Variants in HPCAL1 observed in about 807,000 individuals in gnomAD.
HPCAL1 encodes hippocalcin like 1, also known as hippocalcin-like protein 1.
A neutral mutation model predicts 17.1 loss-of-function variants in HPCAL1; 8 were observed. The ratio of observed to expected loss-of-function variants is 0.47; its 90% CI spans 0.27 to 0.84. The LOEUF (loss-of-function observed/expected upper bound fraction) is 0.84. Ranked by LOEUF, HPCAL1 falls within the 40% of genes least tolerant of loss-of-function variation. The pLI is 0.13. For synonymous variants in HPCAL1, 112 were observed against 111.4 expected, an observed-to-expected ratio of 1.01 and a Z score of -0.03; for missense variants, 165 against 271.1, an observed-to-expected ratio of 0.61 and a Z score of 2.75.
At chr2:10,320,930 T>C (rs1663632295) in intron 1 of HPCAL1, among the ~76,000 whole-genome samples, 1 of 152,242 alleles carries the variant, frequency 6.6e-6, no homozygotes, top group Non-Finnish European at 1.5e-5. Flanking sequence ...GTGATGAGAC[T>C]GTGGAAAACA....
chr2:10,413,123 A>G (rs1030933864), intron 2 of HPCAL1, among the ~76,000 whole-genome samples: 9 of 152,216 alleles, frequency 5.9e-5, no homozygotes, highest in Non-Finnish European at 1.2e-4. Context: ...ATGCAGAAAC[A>G]GATCAGAGGG....
intron 1 of HPCAL1, among the ~76,000 whole-genome samples, chr2:10,372,506 T>C (rs73914062): frequency 0.01 from 1,545 of 152,202 alleles, 37 homozygotes; most frequent in African/African-American, 0.035. Context: ...CAACTCCCAG[T>C]TGGATCGGGG....
At chr2:10,378,248 T>TTTTTC (rs775950855) in intron 1 of HPCAL1, among the ~76,000 whole-genome samples, 1 of 113,842 alleles carries the variant, frequency 8.8e-6, no homozygotes, top group South Asian at 2.7e-4. Flanking sequence ...TTTTTTTTTT[T>TTTTTC]ACTGCTTTGA....
rs553228833 is a variant in HPCAL1, at chr2:10,334,695, C to CTTTTTTTTTTTTTTTT, written c.-111+31526_-111+31527insTTTTTTTTTTTTTTTT. ...TAACTGCTGTATACAATTCCATTGA[C>CTTTTTTTTTTTTTTTT]TTTTTTTTGAGGCAGGGTCTCGCTC... On this transcript the variant is annotated intron_variant, in intron 1 of 4. Transcript: ENST00000307845. 8.0e-4 allele frequency among the ~76,000 whole-genome samples: 117 copies of CTTTTTTTTTTTTTTTT among 146,364 alleles called. 3 individuals carry two copies. The highest frequency in any genetic ancestry group is 3.4e-3 in the Middle Eastern group (1 of 290).
intron 1 of HPCAL1, among the ~76,000 whole-genome samples, chr2:10,334,621 A>G (rs556324060): frequency 1.3e-5 from 2 of 152,292 alleles, no homozygotes; most frequent in East Asian, 1.9e-4. Flanking sequence ...AGCTGTATCC[A>G]TGTTGATACA....
At chr2:10,347,957 G>A (rs1011699093) in intron 1 of HPCAL1, among the ~76,000 whole-genome samples, 4 of 152,126 alleles carry the variant, frequency 2.6e-5, no homozygotes, top group African/African-American at 9.7e-5. Flanking sequence ...AGAAAGATTG[G>A]TATCTTCATA....
intron 2 of HPCAL1, among the ~76,000 whole-genome samples, chr2:10,399,507 ACCACCG>A (rs1669412156): frequency 1.6e-5 from 2 of 126,560 alleles, no homozygotes; most frequent in African/African-American, 6.2e-5. Context: ...CACCATCACC[ACCACCG>A]CCGCCACCAC....
chr2:10,397,892 T>A (rs1669161113), intron 2 of HPCAL1, among the ~76,000 whole-genome samples: 2 of 152,194 alleles, frequency 1.3e-5, no homozygotes, highest in Admixed American at 1.3e-4. Flanking sequence ...TGGCTGTGCC[T>A]CTTCACAGCC....
At chr2:10,405,734 G>A (rs1313548732) in intron 2 of HPCAL1, among the ~76,000 whole-genome samples, 2 of 152,232 alleles carry the variant, frequency 1.3e-5, no homozygotes, top group Admixed American at 6.5e-5. Flanking sequence ...GCACAGCCAA[G>A]CCAGGGTGGG....
chr2:10,421,845 G>A (rs1046528852), intron 3 of HPCAL1, among the ~76,000 whole-genome samples: 2 of 152,226 alleles, frequency 1.3e-5, no homozygotes, highest in Non-Finnish European at 2.9e-5. Context: ...TCAGGAATGA[G>A]CGACCCATTT....
At chr2:10,311,475 G>A (rs1162187590) in intron 1 of HPCAL1, among the ~76,000 whole-genome samples, 1 of 152,276 alleles carries the variant, frequency 6.6e-6, no homozygotes, top group South Asian at 2.1e-4. Flanking sequence ...ATAAAGAATT[G>A]CTGCTTTTAT....
At chr2:10,345,485 G>C (rs1333732114) in intron 1 of HPCAL1, among the ~76,000 whole-genome samples, 3 of 146,226 alleles carry the variant, frequency 2.1e-5, no homozygotes, top group Non-Finnish European at 4.5e-5. Flanking sequence ...TTTTGAGACA[G>C]GGTCTTGCTG....
chr2:10,368,542 C>A (rs938887475), intron 1 of HPCAL1: 2 of 152,226 alleles, frequency 1.3e-5, no homozygotes, highest in African/African-American at 4.8e-5. Flanking sequence ...CCCCCAGACA[C>A]ACTGAGTACT....
At chr2:10,387,628 A>C (rs971210869) in intron 1 of HPCAL1, among the ~76,000 whole-genome samples, 3 of 152,216 alleles carry the variant, frequency 2.0e-5, no homozygotes, top group African/African-American at 7.2e-5. Context: ...AGAAAGTTTA[A>C]CAGTGGTACT....
chr2:10,361,513 T>C (rs1040830883), intron 1 of HPCAL1, among the ~76,000 whole-genome samples: 5 of 152,164 alleles, frequency 3.3e-5, no homozygotes, highest in Admixed American at 3.3e-4. Flanking sequence ...AGGTGGATGA[T>C]TCATTAATTC....
intron 4 of HPCAL1, 147 bp downstream of exon 4, chr2:10,423,235 G>GAAT: frequency 3.0e-6 from 2 of 659,192 alleles, no homozygotes; most frequent in Non-Finnish European, 5.6e-6. Flanking sequence ...CCATGCCCAG[G>GAAT]GAAGAGCGGG....
chr2:10,385,093 G>A (rs1220151952), intron 1 of HPCAL1, among the ~76,000 whole-genome samples: 4 of 112,206 alleles, frequency 3.6e-5, no homozygotes, highest in East Asian at 2.1e-4. Context: ...GCAAGACTCC[G>A]TCTCAAAAAA....
chr2:10,412,637 C>G (rs886103810), intron 2 of HPCAL1, among the ~76,000 whole-genome samples: 3 of 152,218 alleles, frequency 2.0e-5, no homozygotes, highest in African/African-American at 7.2e-5. Flanking sequence ...CGGCTGTGTG[C>G]CCTGGAAGAA....
chr2:10,345,741 G>A (rs1324679436), intron 1 of HPCAL1, among the ~76,000 whole-genome samples: 1 of 152,166 alleles, frequency 6.6e-6, no homozygotes, highest in African/African-American at 2.4e-5. Flanking sequence ...ATAGGCATAA[G>A]CCACTGCACC....
Sources: allele counts gnomAD v4.1 joint callset (sites outside exome capture counted in the v4.1 genomes callset), GRCh38; gene constraint gnomAD v4.1.1; transcripts MANE v1.5; gene names NCBI Gene and HGNC (gene_info 2026-07-23, HGNC 2026-07-21).